The following ATG2A variants were observed in gnomAD, a reference collection of about 807,000 sequenced individuals.
The protein encoded by ATG2A is autophagy-related protein 2 homolog A.
A neutral mutation model predicts 214.2 loss-of-function variants in ATG2A; 103 were observed. The observed-to-expected ratio is 0.48, with a 90% confidence interval of 0.41 to 0.57. The LOEUF (loss-of-function observed/expected upper bound fraction) is 0.57. ATG2A is among the 20% of genes least tolerant of loss of function. The pLI, the probability that ATG2A is intolerant of heterozygous loss-of-function variation, is 0.00. For missense variants in ATG2A, 2,312 were observed against 2,613.2 expected (o/e 0.88, Z 2.51); for synonymous variants, 1,160 against 1,142.1 (o/e 1.02, Z -0.32).
Position 64,901,023 on chromosome 11 carries a change from A to G in ATG2A, c.4189T>C (p.Ser1397Pro), listed in dbSNP as rs1220107036. ...AAGTCCGTGCTGCCGATCGGCCGTG[A>G]GAAGTAACCGTCCCTCACAACGATG... ...GPIVVRDGYF[S>P]RPIGSTDLLR... is the part of the protein sequence containing the mutation. The change falls in exon 30 of 41, where the codon TCA becomes CCA. Residue 1397 changes from serine (S) to proline (P), a missense_variant. Ser to Pro is a moderately conservative substitution (Grantham distance 74, BLOSUM62 -1). Transcript: ENST00000377264. 1 of 1,590,380 alleles carries G rather than the reference A, an allele frequency of 6.3e-7. No homozygotes were observed.
chr11:64,908,949 G>A (rs1208138100), intron 16 of ATG2A, 42 bp downstream of exon 16: 20 of 1,541,150 alleles, frequency 1.3e-5, no homozygotes, highest in Non-Finnish European at 1.7e-5. Flanking sequence ...CCCGGGCGGT[G>A]GGCGGGAGGG....
Position 64,909,719 on chromosome 11 carries a change from A to G in ATG2A, c.2069T>C (p.Val690Ala). 6.2e-7 allele frequency: 1 copy of G among 1,613,072 alleles called. No homozygotes were observed. The highest frequency in any genetic ancestry group is 8.5e-7 in the Non-Finnish European group (1 of 1,179,988). Reference protein sequence around the residue: ...SELSSGPGPPVPTHLELTCSD... With the variant: ...SELSSGPGPPAPTHLELTCSD... The stretch of plus-strand genomic sequence containing the variant: ...GCAGGTGAGTTCCAGGTGGGTGGGG[A>G]CTGGGGGACCAGGCCCACTGCTAAG... Residue 690 changes from valine (V) to alanine (A), a missense_variant, in exon 14 of 41, where the codon GTC becomes GCC. Transcript: ENST00000377264.
At chr11:64,901,202 AG>A in intron 29 of ATG2A, 110 bp from the exon 30 acceptor site, 1 of 1,132,156 alleles carries the variant, frequency 8.8e-7, no homozygotes, top group Non-Finnish European at 1.2e-6. Flanking sequence ...TTTTATAGAC[AG>A]GGTCGGGTCA....
Position 64,906,509 on chromosome 11 carries a change from G to A in ATG2A, c.3008C>T (p.Pro1003Leu), listed in dbSNP as rs781248881. 1 of 1,613,216 alleles carries A rather than the reference G, an allele frequency of 6.2e-7. No individual in the cohort carries two copies. The highest frequency in any genetic ancestry group is 1.7e-5 in the Admixed American group (1 of 60,016). ...GAAACTGGGAAGGTCCAGGTGACTG[G>A]GCAGCGGGTAGTCATCCACGGCCGC... ...HRAAVDDYPL[P>L]SHLDLPSFAP... Residue 1003 changes from proline (P) to leucine (L), a missense_variant, in exon 21 of 41, where the codon CCC becomes CTC. Pro to Leu is a moderately conservative substitution (Grantham distance 98). Coordinates refer to ENST00000377264, the MANE Select transcript of ATG2A (RefSeq NM_015104.3).
Position 64,903,355 on chromosome 11 carries a change from CAGACAT to C in ATG2A, c.3539_3544del (p.Tyr1180_Val1181del). 1 of 1,614,138 alleles carries C rather than the reference CAGACAT, an allele frequency of 6.2e-7. No homozygotes were observed. The highest frequency in any genetic ancestry group is 8.5e-7 in the Non-Finnish European group (1 of 1,180,018). ...TTCCAAGAGGTCAACATCCAAAACA[CAGACAT>C]AATCTGCAGCAGAGGCGAGAGAAAG... On this transcript the variant is annotated inframe_deletion, in exon 26 of 41. Transcript: ENST00000377264. The surrounding 1 kb of genome is among the most constrained non-coding windows in gnomAD (Gnocchi z 4.2).
chr11:64,912,049 G>A lies in ATG2A; in HGVS notation c.1087+36C>T, dbSNP rs776729334. ...CCCCTAGGCTGCTGCACCCACACTA[G>A]CTGCCCCTCCAACCACGGTCTGACC... On this transcript the variant is annotated intron_variant, in intron 8 of 40. Transcript: ENST00000377264. 24 of 1,612,508 alleles carry A rather than the reference G, an allele frequency of 1.5e-5. No homozygotes were observed. In the South Asian group the frequency reaches 2.4e-4, roughly 16 times the overall value.
chr11:64,914,349 C>T lies in ATG2A; in HGVS notation c.323G>A (p.Arg108His), dbSNP rs1244193296. The change falls in exon 2 of 41, where the codon CGC (arginine) becomes CAC (histidine). Residue 108 changes from arginine to histidine, a missense_variant. By Grantham distance (29) the Arg-to-His change is conservative. Coordinates refer to ENST00000377264, the MANE Select transcript of ATG2A (RefSeq NM_015104.3). ...VSGLQLTLQPRRGPAPGAADS... is the reference protein window; with the variant it reads ...VSGLQLTLQPHRGPAPGAADS... ...CGCCCTGCCCTCACCTGGACCCCGG[C>T]GGGGCTGCAAGGTGAGCTGGAGGCC... 9.4e-6 allele frequency: 15 copies of T among 1,603,884 alleles called. No individual in the cohort carries two copies. Among genetic ancestry groups the T allele is most frequent in the East Asian group, 2.2e-5 (1 of 44,608 alleles).
chr11:64,908,760 T>G (rs1944650529), intron 16 of ATG2A, among the ~76,000 whole-genome samples: 1 of 152,080 alleles, frequency 6.6e-6, no homozygotes, highest in Non-Finnish European at 1.5e-5. Context: ...ATCTTTCCAA[T>G]CGAGGACCCA....
chr11:64,897,212 G>T lies in ATG2A; in HGVS notation c.5150+200C>A, dbSNP rs139099606. 1.3e-3 allele frequency: 861 copies of T among 653,254 alleles called. 8 individuals carry two copies. In the African/African-American group the frequency reaches 0.014, roughly 10 times the overall value. 40.5% of individuals were successfully genotyped at this position (653,254 alleles called of 1,614,324 possible). ...TTTGTATTTTTAGTAGAGACGGGGG[G>T]GTTTCACCATGTTGGTCAGGCTGGT... On this transcript the variant is annotated intron_variant, in intron 37 of 40. Transcript: ENST00000377264.
intron 31 of ATG2A, among the ~76,000 whole-genome samples, chr11:64,899,061 G>A (rs1006771569): frequency 9.8e-5 from 15 of 152,324 alleles, no homozygotes; most frequent in Admixed American, 2.6e-4. Flanking sequence ...TTGCAGGCAT[G>A]TGCCACCACA....
intron 17 of ATG2A, 26 bp downstream of exon 17, chr11:64,907,722 C>G (rs1254091547): frequency 6.2e-7 from 1 of 1,611,560 alleles, no homozygotes; most frequent in Non-Finnish European, 8.5e-7. Context: ...GTGTCCAGTC[C>G]CGCCCTGCTG....
At chr11:64,897,024 C>CA in intron 37 of ATG2A, 155 bp from the exon 38 acceptor site, 2 of 893,184 alleles carry the variant, frequency 2.2e-6, no homozygotes, top group Non-Finnish European at 3.2e-6. Context: ...GGACTGTGTC[C>CA]TTTTTTTTTT....
intron 28 of ATG2A, 39 bp downstream of exon 28, chr11:64,902,221 C>G: frequency 6.2e-7 from 1 of 1,612,936 alleles, no homozygotes; most frequent in Non-Finnish European, 8.5e-7. Context: ...CAGTGGGTGC[C>G]TGACTGTGTC....
Position 64,896,457 on chromosome 11 carries a change from C to T in ATG2A, c.5427+5G>A. 6.2e-7 allele frequency: 1 copy of T among 1,608,300 alleles called. No homozygotes were observed. Among genetic ancestry groups the T allele is most frequent in the Non-Finnish European group, 8.5e-7 (1 of 1,177,278 alleles). On this transcript the variant is annotated splice_donor_5th_base_variant and intron_variant, in intron 39 of 40. Transcript: ENST00000377264. ...GCACAGCCCAGATACAGGGCACCCA[C>T]TCACCTGGATAGCCTGTACCAACCG...
In ATG2A at chr11:64,902,378, C is replaced by T. The variant is rs149707582; in HGVS notation, c.3786G>A (p.Glu1262=). Residue 1262 remains glutamate, a synonymous_variant, in exon 28 of 41, where the codon GAG becomes GAA. Coordinates refer to ENST00000377264, the MANE Select transcript of ATG2A (RefSeq NM_015104.3). ...GGCACGAGGGCAGAGAGGCAGGACT[C>T]TCCGAGAGCTGGGCCAGGCAGGGGA... The part of the protein sequence containing the change: ...PTEIAGQKLS[E]SPASLPSCPP... 3 of 1,575,570 alleles carry T rather than the reference C, an allele frequency of 1.9e-6. No individual in the cohort carries two copies. The highest frequency in any genetic ancestry group is 2.6e-6 in the Non-Finnish European group (3 of 1,161,354).
intron 23 of ATG2A, 37 bp from the exon 24 acceptor site, chr11:64,905,692 A>G (rs781557650): frequency 1.2e-6 from 2 of 1,613,274 alleles, no homozygotes; most frequent in South Asian, 2.2e-5. Flanking sequence ...GGCTCCTTAC[A>G]CCTGAGAGCC....
chr11:64,905,898 C>T (rs761861550), intron 22 of ATG2A, 50 bp from the exon 23 acceptor site: 3 of 1,546,224 alleles, frequency 1.9e-6, no homozygotes, highest in Non-Finnish European at 2.7e-6. Flanking sequence ...TGGTGTCCTC[C>T]CTCCTCTAAC....
At position 64,905,466 on chromosome 11, in the gene ATG2A, G is replaced by T. The variant is rs1944508032; in HGVS notation, c.3464+97C>A. ...TCCTGAGAATGAGACTATCACCCGG[G>T]TGTACATTAAGACCGAGAGCACCAG... On this transcript the variant is annotated intron_variant, in intron 24 of 40. Transcript: ENST00000377264. The T allele has an allele frequency of 1.3e-5, 16 of 1,266,866 alleles. No homozygotes were observed. The South Asian group carries it at 1.9e-4, about 15-fold the overall frequency. 78.5% of individuals were successfully genotyped at this position (1,266,866 alleles called of 1,614,324 possible). A position where few individuals can be genotyped will look rare whatever the true frequency, so the allele number is the denominator to read the frequency against.
chr11:64,906,120 T>C lies in ATG2A; in HGVS notation c.3257A>G (p.His1086Arg). 4 of 1,581,474 alleles carry C rather than the reference T, an allele frequency of 2.5e-6. No individual in the cohort carries two copies. The highest frequency in any genetic ancestry group is 3.4e-6 in the Non-Finnish European group (4 of 1,163,650). The change falls in exon 22 of 41, where the codon CAT (histidine) becomes CGT (arginine). Residue 1086 changes from histidine to arginine, a missense_variant. Coordinates refer to ENST00000377264, the MANE Select transcript of ATG2A (RefSeq NM_015104.3). ...CCCACCACCCACGCTCACCTGGGAA[T>C]GCCAGCTCTGCTCGGGCAGGGCCAT... The part of the protein sequence containing the change: ...HYMALPEQSW[H>R]SQLLEFLDVL...
Sources: gnomAD v4.1 joint callset for allele counts (sites outside exome capture counted in the v4.1 genomes callset) on GRCh38, gnomAD v4.1.1 for gene constraint, Gnocchi (gnomAD v3.1) non-coding constraint, MANE v1.5 for transcripts, NCBI Gene and HGNC (gene_info 2026-07-23, HGNC 2026-07-21) for gene names.